The following TTC27 variants were observed in gnomAD, a reference collection of about 807,000 sequenced individuals.
TTC27 encodes tetratricopeptide repeat domain 27, also known as tetratricopeptide repeat protein 27.
In TTC27, 79 loss-of-function variants were observed where a neutral mutation model predicts 115.9. The observed-to-expected ratio is 0.68, with a 90% confidence interval of 0.57 to 0.82. The LOEUF (loss-of-function observed/expected upper bound fraction) is 0.82, where lower values mean the gene tolerates loss of function less well. Among genes scored for constraint, TTC27 ranks in the 40% least tolerant of loss-of-function variants. TTC27 has a pLI of 0.00. For synonymous variants in TTC27, 401 were observed against 356.0 expected (o/e 1.13, Z -1.42); for missense variants, 1,054 against 993.1 (o/e 1.06, Z -0.82).
chr2:32,646,982 T>G (rs1480045562), intron 4 of TTC27, among the ~76,000 whole-genome samples: 3 of 151,302 alleles, frequency 2.0e-5, no homozygotes, highest in Non-Finnish European at 4.4e-5. Context: ...GTTTTTTGTT[T>G]TTTTTTTTTT....
intron 8 of TTC27, among the ~76,000 whole-genome samples, chr2:32,673,470 G>A (rs902491672): frequency 2.0e-4 from 30 of 151,890 alleles, no homozygotes; most frequent in Admixed American, 1.5e-3. Flanking sequence ...CAGCTGATCC[G>A]CCCGCCTCGG....
At chr2:32,685,421 T>A (rs1666597025) in intron 9 of TTC27, among the ~76,000 whole-genome samples, 1 of 152,200 alleles carries the variant, frequency 6.6e-6, no homozygotes, top group Non-Finnish European at 1.5e-5. Context: ...GTCTTGAGGT[T>A]AATGCTTATT....
intron 14 of TTC27, among the ~76,000 whole-genome samples, chr2:32,781,655 A>G (rs1391519431): frequency 1.3e-5 from 2 of 151,954 alleles, no homozygotes; most frequent in Non-Finnish European, 2.9e-5. Flanking sequence ...TCTCTTGACC[A>G]GGCTAGTCTC....
intron 13 of TTC27, among the ~76,000 whole-genome samples, chr2:32,761,516 C>T (rs1008162719): frequency 2.6e-5 from 4 of 152,084 alleles, no homozygotes; most frequent in Admixed American, 6.5e-5. Context: ...ATCTAGCTCC[C>T]GGCACTTCTT....
Position 32,820,928 on chromosome 2 carries a change from A to G in TTC27, c.2522A>G (p.Asn841Ser), listed in dbSNP as rs376992393. 2.6e-6 allele frequency: 4 copies of G among 1,519,796 alleles called. No homozygotes were observed. The East Asian group carries it at 9.9e-5, about 38-fold the overall frequency. The allele number at this position is 1,519,796 out of a possible 1,614,324, so 94.1% of individuals were successfully genotyped here. A position where few individuals can be genotyped will look rare whatever the true frequency, so the allele number is the denominator to read the frequency against. ...ELQDLSNQFR[N>S]QY The stretch of plus-strand genomic sequence containing the variant: ...CAAGACCTAAGCAACCAGTTTCGAA[A>G]TCAGTATTGATTCTGCTGGAAGCAG... The change falls in exon 20 of 20, where the codon AAT becomes AGT. Residue 841 changes from asparagine to serine, a missense_variant. Asn to Ser is a conservative substitution (Grantham distance 46, BLOSUM62 1). Transcript: ENST00000317907.
Position 32,650,153 on chromosome 2 carries a change from G to A in TTC27, c.560G>A (p.Arg187Lys), listed in dbSNP as rs777270240. 2 of 1,613,652 alleles carry A rather than the reference G, an allele frequency of 1.2e-6. No homozygotes were observed. The highest frequency in any genetic ancestry group is 3.3e-5 in the Admixed American group (2 of 59,982). Residue 187 changes from arginine (R) to lysine (K), a missense_variant, in exon 5 of 20, where the codon AGA becomes AAA. Arg to Lys is a conservative substitution (Grantham distance 26). Transcript: ENST00000317907. Reference sequence around the variant, plus strand: ...TAGAGCTTGCCATGGTGGACTTTGAGATGTGTGAATATTCATCAGCATTTG... The same window carrying A: ...TAGAGCTTGCCATGGTGGACTTTGAAATGTGTGAATATTCATCAGCATTTG... ...AIQSLPWWTL[R>K]CVNIHQHLLE...
intron 9 of TTC27, among the ~76,000 whole-genome samples, chr2:32,684,620 A>G (rs1559204955): frequency 6.6e-6 from 1 of 152,168 alleles, no homozygotes. Flanking sequence ...TATTTAATAA[A>G]TACTTATCTA....
At chr2:32,753,001 T>A (rs564218164) in intron 12 of TTC27, among the ~76,000 whole-genome samples, 1 of 152,350 alleles carries the variant, frequency 6.6e-6, no homozygotes, top group Non-Finnish European at 1.5e-5. Context: ...TCATGGTTTC[T>A]GTAGAACAGG....
At chr2:32,636,248 CTG>C (rs1437998753) in intron 3 of TTC27, among the ~76,000 whole-genome samples, 1 of 152,156 alleles carries the variant, frequency 6.6e-6, no homozygotes, top group East Asian at 1.9e-4. Context: ...GAGTCTCACT[CTG>C]TCGCCCAGGC....
chr2:32,672,605 A>C (rs1048159900), intron 8 of TTC27, among the ~76,000 whole-genome samples: 1 of 152,222 alleles, frequency 6.6e-6, no homozygotes, highest in African/African-American at 2.4e-5. Context: ...CTTTATAAGC[A>C]CAATTTCTTT....
chr2:32,664,817 C>T (rs1007164536), intron 6 of TTC27, among the ~76,000 whole-genome samples: 14 of 151,350 alleles, frequency 9.3e-5, no homozygotes, highest in African/African-American at 3.4e-4. Context: ...TAAATACCCA[C>T]CTATTCTTTC....
chr2:32,634,487 C>T (rs965268889), intron 3 of TTC27, among the ~76,000 whole-genome samples: 1 of 151,222 alleles, frequency 6.6e-6, no homozygotes, highest in Admixed American at 6.6e-5. Context: ...TGGAGTTTTG[C>T]CATGTTGCCC....
chr2:32,645,359 T>C (rs1285317748), intron 4 of TTC27, among the ~76,000 whole-genome samples: 4 of 152,164 alleles, frequency 2.6e-5, no homozygotes, highest in African/African-American at 9.7e-5. Flanking sequence ...AAATATTTAT[T>C]TGGTGTCTTG....
In TTC27 at chr2:32,803,722, A is replaced by T. The variant is rs374873114; in HGVS notation, c.1999-7302A>T. Among the ~76,000 whole-genome samples, 60 of 152,274 alleles carry T rather than the reference A, an allele frequency of 3.9e-4. 1 individual carries two copies. In the South Asian group the frequency reaches 0.011, roughly 27 times the overall value. On this transcript the variant is annotated intron_variant, in intron 16 of 19. Coordinates refer to ENST00000317907, the MANE Select transcript of TTC27 (RefSeq NM_017735.5). ...TGAGCTCAGTACAAAATAAGAAAAA[A>T]ATGTAGGCCGGGCACGGTGGCTCAT...
intron 10 of TTC27, chr2:32,704,897 T>C (rs1042200799): frequency 1.1e-5 from 5 of 471,208 alleles, no homozygotes; most frequent in African/African-American, 1.0e-4. Context: ...TCACTGGGGA[T>C]GTTATTTGAT....
chr2:32,721,060 C>G (rs1572547514), intron 10 of TTC27, among the ~76,000 whole-genome samples: 1 of 152,166 alleles, frequency 6.6e-6, no homozygotes, highest in South Asian at 2.1e-4. Context: ...TTTAAGCTGA[C>G]CATGGCTGTA....
At chr2:32,712,644 A>G (rs185808703) in intron 10 of TTC27, among the ~76,000 whole-genome samples, 155 of 150,146 alleles carry the variant, frequency 1.0e-3, no homozygotes, top group Middle Eastern at 3.4e-3. Flanking sequence ...TGCGATCTCC[A>G]CCTCCTGGGC....
At chr2:32,654,727 G>A (rs548672807) in intron 5 of TTC27, among the ~76,000 whole-genome samples, 4 of 148,350 alleles carry the variant, frequency 2.7e-5, no homozygotes, top group African/African-American at 5.0e-5. Flanking sequence ...ATGGAGTCTC[G>A]CTCTGTTGCC....
Position 32,666,733 on chromosome 2 carries a change from A to T in TTC27, c.904A>T (p.Thr302Ser). The T allele has an allele frequency of 1.2e-6, 2 of 1,613,764 alleles. No homozygotes were observed. The highest frequency in any genetic ancestry group is 2.2e-5 in the East Asian group (1 of 44,860). The change falls in exon 7 of 20, where the codon ACT becomes TCT. Residue 302 changes from threonine to serine, a missense_variant. Physicochemically the swap from Thr to Ser is moderately conservative, Grantham distance 58 (BLOSUM62 1). Transcript: ENST00000317907. ...GGATGTCCTTTCAAATTGTGAATTC[A>T]CTCCAGCACCCACTCCTCAGGAACA... Reference protein sequence around the residue: ...EGDVLSNCEFTPAPTPQEHLT... With the variant: ...EGDVLSNCEFSPAPTPQEHLT...
Sources: allele counts gnomAD v4.1 joint callset (sites outside exome capture counted in the v4.1 genomes callset), GRCh38; gene constraint gnomAD v4.1.1; transcripts MANE v1.5; gene names NCBI Gene and HGNC (gene_info 2026-07-23, HGNC 2026-07-21).